SLC8A1: variants seen among roughly 807,000 people sequenced by gnomAD.
The protein encoded by SLC8A1 is sodium/calcium exchanger 1.
Under a neutral mutation model 68.3 loss-of-function variants are expected in SLC8A1, and 18 were observed. The observed-to-expected ratio is 0.26, with a 90% CI of 0.18 to 0.39. The LOEUF is 0.39. SLC8A1 is among the 10% of genes least tolerant of loss of function. SLC8A1 has a pLI of 1.00. For missense variants in SLC8A1, 985 were observed against 1,156.7 expected (o/e 0.85, Z 2.15); for synonymous variants, 475 against 415.5 (o/e 1.14, Z -1.74).
intron 1 of SLC8A1, among the ~76,000 whole-genome samples, chr2:40,512,175 A>G (rs140522630): frequency 8.9e-4 from 135 of 152,260 alleles, no homozygotes; most frequent in African/African-American, 3.1e-3. Flanking sequence ...TGTCTTGTGG[A>G]GGCAGAGCTG....
chr2:40,357,619 A>G (rs1234682829), intron 2 of SLC8A1, among the ~76,000 whole-genome samples: 1 of 152,116 alleles, frequency 6.6e-6, no homozygotes, highest in East Asian at 1.9e-4. Flanking sequence ...GTAAACCACT[A>G]TGGCGTGTGT....
chr2:40,192,104 AGATT>A (rs1162544281), intron 2 of SLC8A1, among the ~76,000 whole-genome samples: 1 of 152,154 alleles, frequency 6.6e-6, no homozygotes, highest in African/African-American at 2.4e-5. Context: ...TTTATATAAG[AGATT>A]TTTTTCACAC....
chr2:40,460,163 G>T (rs1204745249), intron 1 of SLC8A1, among the ~76,000 whole-genome samples: 5 of 152,146 alleles, frequency 3.3e-5, no homozygotes, highest in Non-Finnish European at 7.4e-5. Context: ...GCCTAAAATA[G>T]ATATATGAAT....
At chr2:40,278,750 T>A (rs2067110432) in intron 2 of SLC8A1, among the ~76,000 whole-genome samples, 1 of 151,976 alleles carries the variant, frequency 6.6e-6, no homozygotes, top group Non-Finnish European at 1.5e-5. Context: ...TCTTTCTGCA[T>A]ACCTTGCTCT....
At chr2:40,361,747 C>T (rs549639165) in intron 2 of SLC8A1, among the ~76,000 whole-genome samples, 7 of 151,828 alleles carry the variant, frequency 4.6e-5, no homozygotes, top group Non-Finnish European at 7.4e-5. Context: ...CCACACGTAT[C>T]GGGTAGGAAG....
exon 8 of SLC8A1, chr2:40,115,504 T>C: frequency 6.2e-7 from 1 of 1,614,238 alleles, no homozygotes; most frequent in Non-Finnish European, 8.5e-7. Context: ...GCGTGGTAGA[T>C]GGCAGCGATG....
intron 2 of SLC8A1, among the ~76,000 whole-genome samples, chr2:40,404,731 T>A (rs1689801083): frequency 6.6e-6 from 1 of 152,170 alleles, no homozygotes; most frequent in Non-Finnish European, 1.5e-5. Flanking sequence ...ACGAGTGCGT[T>A]GCTTCCTAGC....
At chr2:40,429,187 C>T (rs777983552) in exon 2 of SLC8A1, 14 of 1,613,504 alleles carry the variant, frequency 8.7e-6, no homozygotes, top group Admixed American at 1.7e-5. Flanking sequence ...AGCTTGAATG[C>T]GATAAAATGC....
intron 3 of SLC8A1, 36 bp from the exon 5 acceptor site, chr2:40,174,878 T>C: frequency 6.3e-7 from 1 of 1,591,970 alleles, no homozygotes; most frequent in Non-Finnish European, 8.6e-7. Context: ...ATGTTATAAT[T>C]TGACACTCTA....
At chr2:40,252,788 ATATG>A (rs1485065419) in intron 2 of SLC8A1, among the ~76,000 whole-genome samples, 2 of 150,244 alleles carry the variant, frequency 1.3e-5, no homozygotes, top group African/African-American at 2.5e-5. Context: ...GCACATATAT[ATATG>A]TGTGTGTATA....
intron 2 of SLC8A1, among the ~76,000 whole-genome samples, chr2:40,406,904 G>A (rs374883430): frequency 1.9e-4 from 29 of 152,276 alleles, no homozygotes; most frequent in South Asian, 6.2e-4. Context: ...ACATAGCACA[G>A]TAACAAGGCA....
At chr2:40,447,053 AATG>A (rs1701573135) in intron 1 of SLC8A1, among the ~76,000 whole-genome samples, 1 of 152,236 alleles carries the variant, frequency 6.6e-6, no homozygotes, top group South Asian at 2.1e-4. Flanking sequence ...CTTACCATGC[AATG>A]ATATCAACAA....
At chr2:40,253,280 G>C (rs548569086) in intron 2 of SLC8A1, among the ~76,000 whole-genome samples, 2 of 147,894 alleles carry the variant, frequency 1.4e-5, no homozygotes, top group Non-Finnish European at 3.0e-5. Context: ...TACATATGAC[G>C]TATATATGTG....
chr2:40,403,378 A>G (rs781579493), intron 2 of SLC8A1, among the ~76,000 whole-genome samples: 1 of 152,208 alleles, frequency 6.6e-6, no homozygotes, highest in Non-Finnish European at 1.5e-5. Flanking sequence ...AGCTTTCTCA[A>G]TGGCTCCTGT....
intron 2 of SLC8A1, among the ~76,000 whole-genome samples, chr2:40,414,106 G>C (rs759151786): frequency 2.0e-5 from 3 of 152,082 alleles, no homozygotes; most frequent in Non-Finnish European, 4.4e-5. Context: ...TAATATAAAT[G>C]TGTTGCTCAT....
At chr2:40,298,858 T>C (rs1277194685) in intron 2 of SLC8A1, among the ~76,000 whole-genome samples, 2 of 152,188 alleles carry the variant, frequency 1.3e-5, no homozygotes, top group East Asian at 1.9e-4. Flanking sequence ...GAAGACTACA[T>C]AGAATAAACA....
intron 4 of SLC8A1, among the ~76,000 whole-genome samples, chr2:40,172,560 A>T (rs1038663639): frequency 6.6e-6 from 1 of 152,164 alleles, no homozygotes; most frequent in Non-Finnish European, 1.5e-5. Context: ...ATTTGATGTA[A>T]AGAAGTTCTG....
At chr2:40,218,683 A>T (rs933614545) in intron 2 of SLC8A1, among the ~76,000 whole-genome samples, 12 of 152,016 alleles carry the variant, frequency 7.9e-5, no homozygotes, top group Non-Finnish European at 1.8e-4. Context: ...ACATTTATCT[A>T]GTGACCATAA....
chr2:40,168,856 A>G (rs1465214641), intron 4 of SLC8A1, among the ~76,000 whole-genome samples: 2 of 152,162 alleles, frequency 1.3e-5, no homozygotes, highest in African/African-American at 4.8e-5. Context: ...TTTTATTGAG[A>G]AGTTGGGAAT....
Sources: gnomAD v4.1 joint callset for allele counts (sites outside exome capture counted in the v4.1 genomes callset) on GRCh38, gnomAD v4.1.1 for gene constraint, MANE v1.5 for transcripts, NCBI Gene and HGNC (gene_info 2026-07-23, HGNC 2026-07-21) for gene names.